ASH1L: variants seen among roughly 807,000 people sequenced by gnomAD.
The protein encoded by ASH1L is histone-lysine N-methyltransferase ASH1L.
Under a neutral mutation model 269.0 loss-of-function variants are expected in ASH1L, and 23 were observed. The observed-to-expected ratio is 0.09, with a 90% CI of 0.06 to 0.12. The LOEUF is 0.12. Among genes scored for constraint, ASH1L ranks in the 10% least tolerant of loss-of-function variants. ASH1L has a pLI of 1.00. For synonymous variants in ASH1L, 1,187 were observed against 1,253.5 expected (o/e 0.95, Z 1.12); for missense variants, 2,912 against 3,567.8 (o/e 0.82, Z 4.68).
At chr1:155,490,932 C>T (rs1378454574) in intron 2 of ASH1L, among the ~76,000 whole-genome samples, 1 of 121,226 alleles carries the variant, frequency 8.2e-6, no homozygotes, top group Non-Finnish European at 1.6e-5. Context: ...CACACCACTG[C>T]ACTCTAACCT....
chr1:155,504,507 T>C (rs1423194433), intron 2 of ASH1L, among the ~76,000 whole-genome samples: 1 of 152,204 alleles, frequency 6.6e-6, no homozygotes, highest in Non-Finnish European at 1.5e-5. Flanking sequence ...GGTAGTTCAC[T>C]ATTAATTATG....
chr1:155,490,654 A>ACACACACT lies in ASH1L; in HGVS notation c.421-8206_421-8205insAGTGTGTG, dbSNP rs1345649483. On this transcript the variant is annotated intron_variant, in intron 2 of 27. Transcript: ENST00000392403. ...CACACACACACACACATACACACAC[A>ACACACACT]CTCTCTCTCTCTCTTTTTCTGGCCA... Among the ~76,000 whole-genome samples the ACACACACT allele has an allele frequency of 2.0e-3, 300 of 148,354 alleles. 2 individuals are homozygous for ACACACACT. Among genetic ancestry groups the ACACACACT allele is most frequent in the African/African-American group, 7.1e-3 (286 of 40,224 alleles).
chr1:155,537,543 T>G (rs777115296), intron 1 of ASH1L, among the ~76,000 whole-genome samples: 5 of 152,196 alleles, frequency 3.3e-5, no homozygotes, highest in Non-Finnish European at 7.3e-5. Flanking sequence ...GAATGTAATC[T>G]TCTCACTCCA....
chr1:155,445,364 T>C (rs1018666314), intron 4 of ASH1L, among the ~76,000 whole-genome samples: 9 of 152,114 alleles, frequency 5.9e-5, no homozygotes, highest in Non-Finnish European at 1.0e-4. Context: ...TTTGTATTTT[T>C]AGTAGAGATG....
intron 6 of ASH1L, among the ~76,000 whole-genome samples, chr1:155,405,975 G>A (rs192532599): frequency 2.1e-4 from 32 of 152,046 alleles, no homozygotes; most frequent in African/African-American, 3.4e-4. Flanking sequence ...AGGCCGAGGC[G>A]GATGGATCAC....
In ASH1L at chr1:155,378,091, G is replaced by A. The variant is rs181486375; in HGVS notation, c.6332+190C>T. Among the ~76,000 whole-genome samples, 11 of 151,772 alleles carry A rather than the reference G, an allele frequency of 7.2e-5. No individual in the cohort carries two copies. The East Asian group carries it at 1.9e-3, about 27-fold the overall frequency. ...AAAAAGTAAAAGGATTTAAACCAAC[G>A]AAGGCACACACAAGACTCTAAATCT... On this transcript the variant is annotated intron_variant, in intron 10 of 27. Coordinates refer to ENST00000392403, the MANE Select transcript of ASH1L (RefSeq NM_018489.3).
chr1:155,563,102 G>T (rs1233307712), upstream of ASH1L: 2 of 457,422 alleles, frequency 4.4e-6, no homozygotes, highest in Non-Finnish European at 8.8e-6. Flanking sequence ...CAGCGCTGCG[G>T]CTCGCCTCCC....
intron 4 of ASH1L, among the ~76,000 whole-genome samples, chr1:155,455,560 A>G (rs543149705): frequency 6.6e-6 from 1 of 152,208 alleles, no homozygotes; most frequent in Non-Finnish European, 1.5e-5. Context: ...CTATACCTAG[A>G]AGGTTAGGAC....
At chr1:155,344,338 A>C in intron 21 of ASH1L, 65 bp from the exon 22 acceptor site, 85 of 1,233,178 alleles carry the variant, frequency 6.9e-5, no homozygotes, top group Non-Finnish European at 9.3e-5. Flanking sequence ...CTTATTTCTC[A>C]ACCTAGAATT....
At chr1:155,346,800 C>T (rs1167745126) in intron 20 of ASH1L, among the ~76,000 whole-genome samples, 1 of 152,138 alleles carries the variant, frequency 6.6e-6, no homozygotes. Context: ...TTTCAGAATA[C>T]AGCTACAAAA....
At chr1:155,348,805 C>T (rs954804520) in intron 19 of ASH1L, among the ~76,000 whole-genome samples, 4 of 151,492 alleles carry the variant, frequency 2.6e-5, no homozygotes, top group South Asian at 4.2e-4. Context: ...CGCTTGAACC[C>T]GGGAGGTGGA....
chr1:155,413,441 A>G (rs146349989), intron 6 of ASH1L, among the ~76,000 whole-genome samples: 2,723 of 152,318 alleles, frequency 0.018, 28 homozygotes, highest in Middle Eastern at 0.071. Flanking sequence ...GCCCATCTCT[A>G]CTAAAATTAC....
chr1:155,346,528 G>A (rs1247490298), intron 20 of ASH1L, 59 bp from the exon 21 acceptor site: 21 of 1,458,042 alleles, frequency 1.4e-5, no homozygotes, highest in Non-Finnish European at 2.0e-5. Flanking sequence ...AGAGTGTCCT[G>A]GGAGCCCAGA....
intron 13 of ASH1L, among the ~76,000 whole-genome samples, chr1:155,358,556 C>G (rs1251685376): frequency 6.6e-6 from 1 of 151,888 alleles, no homozygotes; most frequent in Non-Finnish European, 1.5e-5. Flanking sequence ...GGTGTGGTGA[C>G]AGGCACCTGT....
chr1:155,341,301 C>T (rs1278791357), intron 25 of ASH1L, among the ~76,000 whole-genome samples: 2 of 151,704 alleles, frequency 1.3e-5, no homozygotes, highest in African/African-American at 4.8e-5. Context: ...CTCAGCCTCC[C>T]GAGTAGCTGG....
At chr1:155,556,322 T>C (rs1441656792) in intron 1 of ASH1L, among the ~76,000 whole-genome samples, 1 of 152,006 alleles carries the variant, frequency 6.6e-6, no homozygotes, top group Non-Finnish European at 1.5e-5. Context: ...CAACTGAGCC[T>C]GGGAATTCAA....
chr1:155,520,799 T>C (rs1043020168), intron 2 of ASH1L, among the ~76,000 whole-genome samples: 16 of 151,178 alleles, frequency 1.1e-4, no homozygotes, highest in Non-Finnish European at 1.6e-4. Flanking sequence ...AAGGCAGAGG[T>C]TGCCATGAGC....
chr1:155,395,593 G>T (rs781380302), intron 6 of ASH1L, 40 bp from the exon 7 acceptor site: 10 of 1,483,798 alleles, frequency 6.7e-6, no homozygotes, highest in South Asian at 1.2e-5. Flanking sequence ...AAGAGGCAAA[G>T]AAATTTCCTC....
At chr1:155,512,226 G>A (rs1302056558) in intron 2 of ASH1L, among the ~76,000 whole-genome samples, 1 of 151,842 alleles carries the variant, frequency 6.6e-6, no homozygotes, top group Non-Finnish European at 1.5e-5. Flanking sequence ...TTCTTTTGGA[G>A]CACTGAAGAT....
Sources: allele counts gnomAD v4.1 joint callset (sites outside exome capture counted in the v4.1 genomes callset), GRCh38; gene constraint gnomAD v4.1.1; transcripts MANE v1.5; gene names NCBI Gene and HGNC (gene_info 2026-07-23, HGNC 2026-07-21).